Variants in TRRAP observed in about 807,000 individuals in gnomAD.
The protein encoded by TRRAP is transformation/transcription domain associated protein.
Under a neutral mutation model 438.8 loss-of-function variants are expected in TRRAP, and 41 were observed. That is an observed-to-expected ratio of 0.09 (90% CI 0.07 to 0.12). The LOEUF (loss-of-function observed/expected upper bound fraction) is 0.12. Ranked by LOEUF, TRRAP falls within the 10% of genes least tolerant of loss-of-function variation. TRRAP has a pLI of 1.00. For missense variants in TRRAP, 3,122 were observed against 5,055.1 expected (o/e 0.62, Z 11.60); for synonymous variants, 1,994 against 1,962.9 (o/e 1.02, Z -0.42).
At chr7:98,981,635 A>G in intron 58 of TRRAP, 134 bp from the exon 59 acceptor site, 5 of 860,138 alleles carry the variant, frequency 5.8e-6, no homozygotes, top group South Asian at 3.8e-5. Flanking sequence ...AAGAAAATAC[A>G]TTTCTATAGC....
In TRRAP at chr7:98,981,785, C is replaced by T. The variant is rs1792933415; in HGVS notation, c.8651C>T (p.Pro2884Leu). The T allele has an allele frequency of 2.5e-6, 4 of 1,604,546 alleles. No individual in the cohort carries two copies. Among genetic ancestry groups the T allele is most frequent in the South Asian group, 2.3e-5 (2 of 88,878 alleles). The change falls in exon 59 of 73, where the codon CCG becomes CTG. Residue 2884 changes from proline to leucine, a missense_variant. Pro to Leu is a moderately conservative substitution (Grantham distance 98, BLOSUM62 -3). Coordinates refer to ENST00000456197, the MANE Select transcript of TRRAP (RefSeq NM_001375524.1). ...EALVQVEVSC[P>L]KEMAWKVNMY... ...CACTGCCAGGTGGAAGTGAGCTGTCCGAAGGAGATGGCCTGGAAGGTGAAC... is the reference window on the plus strand; with the variant it reads ...CACTGCCAGGTGGAAGTGAGCTGTCTGAAGGAGATGGCCTGGAAGGTGAAC...
intron 64 of TRRAP, 97 bp downstream of exon 64, chr7:98,990,716 GT>G (rs1793395881): frequency 4.3e-6 from 6 of 1,389,672 alleles, no homozygotes; most frequent in Non-Finnish European, 9.7e-7. Flanking sequence ...AGTGTTCAAA[GT>G]ATTAAAAACA....
At chr7:98,957,401 A>G (rs187320863) in intron 43 of TRRAP, among the ~76,000 whole-genome samples, 91 of 152,304 alleles carry the variant, frequency 6.0e-4, no homozygotes, top group African/African-American at 2.1e-3. Context: ...TGAGACCTCT[A>G]CAGTGTTTTT....
At chr7:99,004,021 G>A (rs995118547) in intron 67 of TRRAP, among the ~76,000 whole-genome samples, 169 bp from the exon 68 acceptor site, 6 of 152,106 alleles carry the variant, frequency 3.9e-5, no homozygotes, top group South Asian at 2.1e-4. Flanking sequence ...TGCAGTGAGC[G>A]GAGATCGCAC....
At chr7:98,958,674 A>C (rs1791740502) in intron 44 of TRRAP, among the ~76,000 whole-genome samples, 1 of 152,154 alleles carries the variant, frequency 6.6e-6, no homozygotes, top group Admixed American at 6.5e-5. Flanking sequence ...AGTTGACAGC[A>C]TGTTAACATT....
At chr7:98,915,402 G>A (rs1789476835) in intron 18 of TRRAP, among the ~76,000 whole-genome samples, 1 of 152,104 alleles carries the variant, frequency 6.6e-6, no homozygotes. Flanking sequence ...ATGTTGGCCA[G>A]GCTGATCTCG....
At chr7:98,973,665 T>C (rs906799709) in intron 53 of TRRAP, among the ~76,000 whole-genome samples, 1 of 152,182 alleles carries the variant, frequency 6.6e-6, no homozygotes, top group Admixed American at 6.5e-5. Flanking sequence ...TGAGGCTTCA[T>C]AGCCTGAGTC....
At chr7:98,961,155 T>G (rs1464299691) in intron 45 of TRRAP, 106 bp from the exon 46 acceptor site, 2 of 1,025,846 alleles carry the variant, frequency 1.9e-6, no homozygotes, top group Non-Finnish European at 3.0e-6. Flanking sequence ...TTACTTAGTC[T>G]CCAAATAATT....
At chr7:98,965,664 C>T in intron 48 of TRRAP, 32 bp from the exon 49 acceptor site, 3 of 1,613,082 alleles carry the variant, frequency 1.9e-6, no homozygotes, top group Non-Finnish European at 2.5e-6. Context: ...CGTTTAGAGA[C>T]CCGTGGGTTT....
At chr7:99,009,540 C>T (rs367696847) in intron 70 of TRRAP, among the ~76,000 whole-genome samples, 1 of 152,232 alleles carries the variant, frequency 6.6e-6, no homozygotes, top group East Asian at 1.9e-4. Flanking sequence ...TTCATGGCCT[C>T]TCTTGGGAAT....
intron 58 of TRRAP, among the ~76,000 whole-genome samples, chr7:98,980,473 C>G (rs1238149439): frequency 6.8e-6 from 1 of 147,662 alleles, no homozygotes; most frequent in Non-Finnish European, 1.5e-5. Flanking sequence ...CCAGTGCTTT[C>G]TTCAGAAGGT....
Position 98,984,938 on chromosome 7 carries a change from G to T in TRRAP, c.9289-6G>T, listed in dbSNP as rs374134490. Reference sequence around the variant, plus strand: ...AACTTTTTTTCTGCTCATTTTTTTTGAACAGGGCCTTGAAGTTATTGAATC... The same window carrying T: ...AACTTTTTTTCTGCTCATTTTTTTTTAACAGGGCCTTGAAGTTATTGAATC... On this transcript the variant is annotated splice_polypyrimidine_tract_variant and splice_region_variant and intron_variant, in intron 61 of 72. Coordinates refer to ENST00000456197, the MANE Select transcript of TRRAP (RefSeq NM_001375524.1). 4.0e-5 allele frequency: 63 copies of T among 1,585,588 alleles called. No individual in the cohort carries two copies. The highest frequency in any genetic ancestry group is 3.7e-4 in the Admixed American group (20 of 53,422).
At chr7:98,965,115 C>T (rs1792092902) in intron 48 of TRRAP, among the ~76,000 whole-genome samples, 1 of 152,222 alleles carries the variant, frequency 6.6e-6, no homozygotes, top group Non-Finnish European at 1.5e-5. Flanking sequence ...CAGATTGAGA[C>T]TCTCTCTCAC....
chr7:98,933,248 A>G lies in TRRAP; in HGVS notation c.3860A>G (p.Gln1287Arg). 2 of 1,612,494 alleles carry G rather than the reference A, an allele frequency of 1.2e-6. No individual in the cohort carries two copies. The highest frequency in any genetic ancestry group is 1.7e-6 in the Non-Finnish European group (2 of 1,179,384). The part of the protein sequence containing the change: ...VIMEPHKEVL[Q>R]DMVPPKKHLL... ...CCTCCTTGGCTTCCCCAGGTCCTGC[A>G]GGATATGGTCCCCCCTAAGAAGCAC... The change falls in exon 27 of 73, where the codon CAG becomes CGG. Residue 1287 changes from glutamine (Q) to arginine (R), a missense_variant. Gln to Arg is a conservative substitution (Grantham distance 43). Transcript: ENST00000456197.
intron 67 of TRRAP, among the ~76,000 whole-genome samples, chr7:99,000,408 CATACT>C (rs1199394648): frequency 2.0e-5 from 3 of 152,214 alleles, no homozygotes; most frequent in Non-Finnish European, 1.5e-5. Context: ...ATGTAGAACT[CATACT>C]ACATATACTA....
chr7:98,922,562 G>A (rs542800572), intron 21 of TRRAP, among the ~76,000 whole-genome samples: 5 of 151,548 alleles, frequency 3.3e-5, no homozygotes, highest in Non-Finnish European at 7.4e-5. Context: ...TCATTCCATC[G>A]TCACGTTGGC....
intron 18 of TRRAP, among the ~76,000 whole-genome samples, chr7:98,913,030 C>T (rs145856470): frequency 2.6e-5 from 4 of 152,278 alleles, no homozygotes; most frequent in Non-Finnish European, 4.4e-5. Context: ...CCTATTGCAA[C>T]AAAACAGGGC....
At chr7:98,927,649 AACAG>A (rs1399655992) in intron 23 of TRRAP, among the ~76,000 whole-genome samples, 6 of 152,296 alleles carry the variant, frequency 3.9e-5, no homozygotes, top group African/African-American at 7.2e-5. Context: ...CTGCCTGTGA[AACAG>A]ACAGTTTGTG....
chr7:98,893,989 T>A, intron 6 of TRRAP, 108 bp downstream of exon 6: 1 of 948,786 alleles, frequency 1.1e-6, no homozygotes, highest in Non-Finnish European at 1.6e-6. Context: ...TTTTCAAGTG[T>A]AGAAATACAG....
Sources: allele counts gnomAD v4.1 joint callset (sites outside exome capture counted in the v4.1 genomes callset), GRCh38; gene constraint gnomAD v4.1.1; transcripts MANE v1.5; gene names NCBI Gene and HGNC (gene_info 2026-07-23, HGNC 2026-07-21).